The following GBP2 variants were observed in gnomAD, a reference collection of about 807,000 sequenced individuals.
The protein encoded by GBP2 is guanylate-binding protein 2.
In GBP2, 54 loss-of-function variants were observed where a neutral mutation model predicts 60.8. The ratio of observed to expected loss-of-function variants is 0.89; its 90% CI spans 0.71 to 1.11. The LOEUF is 1.11. Ranked by LOEUF, GBP2 falls within the 50% of genes most tolerant of loss-of-function variation. The pLI is 0.00. For synonymous variants in GBP2, 243 were observed against 256.5 expected (o/e 0.95, Z 0.50); for missense variants, 665 against 703.3 (o/e 0.95, Z 0.62).
intron 10 of GBP2, among the ~76,000 whole-genome samples, chr1:89,108,940 G>T (rs911090116): frequency 4.0e-5 from 6 of 150,632 alleles, no homozygotes; most frequent in Non-Finnish European, 8.8e-5. Flanking sequence ...TTGTTGCCCA[G>T]GCTGGAGTGC....
intron 10 of GBP2, 30 bp from the exon 11 acceptor site, chr1:89,108,321 C>A (rs768609308): frequency 1.5e-6 from 2 of 1,378,684 alleles, no homozygotes; most frequent in East Asian, 2.3e-5. Context: ...CTAAGCCTAT[C>A]CAGCTTAACA....
At chr1:89,124,356 A>G (rs1206267107) in intron 1 of GBP2, among the ~76,000 whole-genome samples, 4 of 152,138 alleles carry the variant, frequency 2.6e-5, no homozygotes, top group African/African-American at 9.7e-5. Flanking sequence ...TTCCCACCAG[A>G]TCATCTTGTA....
intron 1 of GBP2, 137 bp downstream of exon 1, chr1:89,125,726 G>A (rs1321260161): frequency 6.6e-6 from 1 of 152,228 alleles, no homozygotes; most frequent in Non-Finnish European, 1.5e-5. Flanking sequence ...GGAACCTGCA[G>A]CCACTTGATA....
chr1:89,117,409 T>C (rs1681300302), intron 5 of GBP2, among the ~76,000 whole-genome samples, 168 bp downstream of exon 5: 2 of 152,182 alleles, frequency 1.3e-5, no homozygotes, highest in South Asian at 4.1e-4. Context: ...GGTAATGCAA[T>C]TTAAAATTGG....
At chr1:89,120,333 T>C (rs1681373401) in intron 3 of GBP2, 45 bp from the exon 4 acceptor site, 1 of 1,441,402 alleles carries the variant, frequency 6.9e-7, no homozygotes, top group South Asian at 1.1e-5. Flanking sequence ...ACTAGCAGAA[T>C]GTACAATCAA....
intron 5 of GBP2, 39 bp from the exon 6 acceptor site, chr1:89,117,273 T>A (rs1356944320): frequency 6.6e-7 from 1 of 1,514,356 alleles, no homozygotes; most frequent in Non-Finnish European, 9.1e-7. Context: ...AACTTCAAAT[T>A]AATTACTTCA....
chr1:89,123,950 T>G (rs1460224648), intron 1 of GBP2, among the ~76,000 whole-genome samples: 1 of 152,202 alleles, frequency 6.6e-6, no homozygotes, highest in Non-Finnish European at 1.5e-5. Context: ...TTCTTGGACT[T>G]TTTTTCATTA....
intron 6 of GBP2, among the ~76,000 whole-genome samples, chr1:89,115,856 C>T (rs1456359273): frequency 6.6e-6 from 1 of 152,118 alleles, no homozygotes; most frequent in African/African-American, 2.4e-5. Context: ...ATTCTCCCAC[C>T]TTGGCCTCCC....
chr1:89,108,317 C>T, intron 10 of GBP2, 26 bp from the exon 11 acceptor site: 1 of 1,421,700 alleles, frequency 7.0e-7, no homozygotes, highest in Non-Finnish European at 9.9e-7. Flanking sequence ...GAGACTAAGC[C>T]TATCCAGCTT....
At chr1:89,110,858 T>G (rs1057411734) in intron 8 of GBP2, among the ~76,000 whole-genome samples, 7 of 152,104 alleles carry the variant, frequency 4.6e-5, no homozygotes, top group Non-Finnish European at 8.8e-5. Context: ...ATGAAATAAT[T>G]TTAAAAACTC....
chr1:89,108,015 T>C lies in GBP2; in HGVS notation c.*160A>G, dbSNP rs1480939448. ...CTCTGTAGGTAAAACATTGACCTCA[T>C]ACTTAACCTTTACTTTGCAAACTTT... On this transcript the variant is annotated 3_prime_UTR_variant, in exon 11 of 11. Coordinates refer to ENST00000370466, the MANE Select transcript of GBP2 (RefSeq NM_004120.5). The C allele has an allele frequency of 1.7e-6, 1 of 592,246 alleles. No individual in the cohort carries two copies. 36.7% of individuals were successfully genotyped at this position (592,246 alleles called of 1,614,324 possible).
chr1:89,121,750 G>A, intron 2 of GBP2, 27 bp downstream of exon 2: 2 of 1,609,482 alleles, frequency 1.2e-6, no homozygotes, highest in Non-Finnish European at 1.7e-6. Flanking sequence ...GACAGAAGGG[G>A]CTTAGAGCTT....
At chr1:89,108,775 C>T (rs540646433) in intron 10 of GBP2, among the ~76,000 whole-genome samples, 2 of 152,252 alleles carry the variant, frequency 1.3e-5, no homozygotes, top group South Asian at 4.1e-4. Flanking sequence ...TCAGGGCTTA[C>T]AGTGGCCCAT....
At chr1:89,114,992 AC>A (rs1681240433) in intron 6 of GBP2, among the ~76,000 whole-genome samples, 1 of 152,136 alleles carries the variant, frequency 6.6e-6, no homozygotes, top group Non-Finnish European at 1.5e-5. Flanking sequence ...TAAGTTTTGC[AC>A]CTTATTTTTA....
chr1:89,108,324 G>A, intron 10 of GBP2, 33 bp from the exon 11 acceptor site: 3 of 1,353,918 alleles, frequency 2.2e-6, no homozygotes. Flanking sequence ...AGCCTATCCA[G>A]CTTAACACAT....
rs1415640390 is a variant in GBP2, at chr1:89,126,103, A to G, written c.-258T>C. The G allele has an allele frequency of 1.3e-5, 2 of 152,248 alleles. No homozygotes were observed. Among genetic ancestry groups the G allele is most frequent in the African/African-American group, 4.8e-5 (2 of 41,456 alleles). 9.4% of individuals were successfully genotyped at this position (152,248 alleles called of 1,614,324 possible). A position where few individuals can be genotyped will look rare whatever the true frequency, so the allele number is the denominator to read the frequency against. ...AAAAAGAGGTAACCTCTGCAAAGAAATGCACTAATATGAAACAAAGTATCA... is the reference window on the plus strand; with the variant it reads ...AAAAAGAGGTAACCTCTGCAAAGAAGTGCACTAATATGAAACAAAGTATCA... On this transcript the variant is annotated 5_prime_UTR_variant, in exon 1 of 11. Coordinates refer to ENST00000370466, the MANE Select transcript of GBP2 (RefSeq NM_004120.5).
intron 6 of GBP2, 29 bp downstream of exon 6, chr1:89,116,963 G>A (rs1681284174): frequency 3.1e-6 from 5 of 1,611,632 alleles, no homozygotes; most frequent in Non-Finnish European, 4.2e-6. Context: ...GAAAGTCCAG[G>A]TAGGAAGTGG....
chr1:89,110,536 A>G (rs1681141515), intron 8 of GBP2, among the ~76,000 whole-genome samples: 3 of 152,226 alleles, frequency 2.0e-5, no homozygotes, highest in Non-Finnish European at 4.4e-5. Context: ...ACTCAGCCAT[A>G]AAAAGGAAAA....
At chr1:89,117,890 A>ATT (rs1681312901) in intron 4 of GBP2, 117 bp from the exon 5 acceptor site, 2 of 792,678 alleles carry the variant, frequency 2.5e-6, no homozygotes, top group African/African-American at 3.5e-5. Context: ...TCATTCACAA[A>ATT]CATTTATTTA....
Sources: allele counts gnomAD v4.1 joint callset (sites outside exome capture counted in the v4.1 genomes callset), GRCh38; gene constraint gnomAD v4.1.1; transcripts MANE v1.5; gene names NCBI Gene and HGNC (gene_info 2026-07-23, HGNC 2026-07-21).